The following TBC1D12 variants were observed in gnomAD, a reference collection of about 807,000 sequenced individuals.
TBC1D12 encodes the protein TBC1 domain family member 12, also known as TBC1 domain family, member 12.
TBC1D12 carries 56 observed loss-of-function variants against 86.7 expected under a neutral mutation model. The ratio of observed to expected loss-of-function variants is 0.65; its 90% confidence interval spans 0.52 to 0.81. The LOEUF (loss-of-function observed/expected upper bound fraction) is 0.81, where lower values mean the gene tolerates loss of function less well. TBC1D12 is among the 30% of genes least tolerant of loss of function. The pLI is 0.00. For synonymous variants in TBC1D12, 421 were observed against 411.7 expected (o/e 1.02, Z -0.27); for missense variants, 1,023 against 1,038.8 (o/e 0.98, Z 0.21).
At chr10:94,457,521 C>T (rs2055645940) in intron 2 of TBC1D12, among the ~76,000 whole-genome samples, 1 of 152,138 alleles carries the variant, frequency 6.6e-6, no homozygotes, top group East Asian at 1.9e-4. Context: ...CTCAAATGGT[C>T]CTCCTGCTAT....
At chr10:94,508,373 A>G (rs1369238680) in intron 7 of TBC1D12, 1 of 151,896 alleles carries the variant, frequency 6.6e-6, no homozygotes, top group Non-Finnish European at 1.5e-5. Flanking sequence ...GCCTCAAGCA[A>G]TCCTGCCTTG....
At chr10:94,424,046 G>T (rs2055115245) in intron 1 of TBC1D12, among the ~76,000 whole-genome samples, 1 of 151,676 alleles carries the variant, frequency 6.6e-6, no homozygotes, top group South Asian at 2.1e-4. Flanking sequence ...ATTGCATTAG[G>T]TATTATAATT....
At position 94,535,437 on chromosome 10, in the gene TBC1D12, C is replaced by T. The variant is rs1478862711; in HGVS notation, c.*2341C>T. On this transcript the variant is annotated 3_prime_UTR_variant, in exon 13 of 13. Coordinates refer to ENST00000225235, the MANE Select transcript of TBC1D12 (RefSeq NM_015188.2). ...TTTTCAAACTAACAAGCCTGCGATC[C>T]TTGTTAGTGTAGTGACTGCCTCTTT... 2 of 152,096 alleles carry T rather than the reference C, an allele frequency of 1.3e-5. No individual in the cohort carries two copies. Among genetic ancestry groups the T allele is most frequent in the African/African-American group, 4.8e-5 (2 of 41,414 alleles). The allele number at this position is 152,096 out of a possible 1,614,324, so 9.4% of individuals were successfully genotyped here. A position where few individuals can be genotyped will look rare whatever the true frequency, so the allele number is the denominator to read the frequency against.
rs542496487 is a variant in TBC1D12, at chr10:94,424,023, A to G, written c.972-17873A>G. On this transcript the variant is annotated intron_variant, in intron 1 of 12. Coordinates refer to ENST00000225235, the MANE Select transcript of TBC1D12 (RefSeq NM_015188.2). ...TATTCCCTAAAAAATATAACTATTT[A>G]CATAGCATTTACATTGCATTAGGTA... is the stretch of plus-strand genomic sequence containing the variant. Among the ~76,000 whole-genome samples the G allele has an allele frequency of 2.0e-5, 3 of 152,320 alleles. No homozygotes were observed. In the South Asian group the frequency reaches 6.2e-4, roughly 32 times the overall value.
chr10:94,411,888 G>T (rs2054933131), intron 1 of TBC1D12, among the ~76,000 whole-genome samples: 1 of 152,190 alleles, frequency 6.6e-6, no homozygotes, highest in Admixed American at 6.5e-5. Flanking sequence ...AGCCAGCGAG[G>T]TCGGGGCTGC....
chr10:94,517,113 C>G (rs959533275), intron 9 of TBC1D12, among the ~76,000 whole-genome samples: 1 of 152,096 alleles, frequency 6.6e-6, no homozygotes, highest in African/African-American at 2.4e-5. Context: ...TGCGGTGGCT[C>G]ATGCCTATAA....
rs534464505 is a variant in TBC1D12, at chr10:94,433,195, G to A, written c.972-8701G>A. Among the ~76,000 whole-genome samples, 341 of 152,112 alleles carry A rather than the reference G, an allele frequency of 2.2e-3. 1 individual carries two copies. Among genetic ancestry groups the A allele is most frequent in the South Asian group, 3.9e-3 (19 of 4,818 alleles). ...AGCCTGGGCAAGAGAGCAAGACTTCGTCTCGGAAACCCTCCTGGGTTCAAG... is the reference window on the plus strand; with the variant it reads ...AGCCTGGGCAAGAGAGCAAGACTTCATCTCGGAAACCCTCCTGGGTTCAAG... On this transcript the variant is annotated intron_variant, in intron 1 of 12. Transcript: ENST00000225235.
chr10:94,420,349 A>G (rs996340903), intron 1 of TBC1D12, among the ~76,000 whole-genome samples: 11 of 152,218 alleles, frequency 7.2e-5, no homozygotes, highest in Non-Finnish European at 1.0e-4. Flanking sequence ...CTGTTGTTCA[A>G]GCTACCAAGT....
intron 9 of TBC1D12, among the ~76,000 whole-genome samples, chr10:94,513,892 A>T (rs2056555348): frequency 6.6e-6 from 1 of 152,116 alleles, no homozygotes; most frequent in Admixed American, 6.6e-5. Flanking sequence ...AACGTTGTAT[A>T]ATTAAAACAA....
intron 1 of TBC1D12, among the ~76,000 whole-genome samples, chr10:94,421,878 T>C (rs1174266924): frequency 6.6e-6 from 1 of 152,208 alleles, no homozygotes; most frequent in Non-Finnish European, 1.5e-5. Flanking sequence ...TTGGGCTGTG[T>C]GTGTTTTTGT....
At chr10:94,424,408 G>T (rs2055120506) in intron 1 of TBC1D12, among the ~76,000 whole-genome samples, 1 of 152,150 alleles carries the variant, frequency 6.6e-6, no homozygotes, top group Non-Finnish European at 1.5e-5. Context: ...TTTTCTAGTT[G>T]TAATGGCTTA....
intron 9 of TBC1D12, among the ~76,000 whole-genome samples, chr10:94,520,324 G>A (rs1842114725): frequency 1.3e-5 from 2 of 151,998 alleles, no homozygotes; most frequent in Admixed American, 1.3e-4. Flanking sequence ...AGGCCGAGGT[G>A]GGTGGATCAC....
At chr10:94,408,058 CTCTT>C (rs1165187606) in intron 1 of TBC1D12, among the ~76,000 whole-genome samples, 8 of 152,120 alleles carry the variant, frequency 5.3e-5, no homozygotes, top group Non-Finnish European at 7.4e-5. Flanking sequence ...CATAGATAGA[CTCTT>C]TCATAGTTTT....
intron 1 of TBC1D12, among the ~76,000 whole-genome samples, chr10:94,424,708 T>G (rs942413835): frequency 7.2e-5 from 11 of 152,200 alleles, no homozygotes; most frequent in African/African-American, 2.7e-4. Context: ...GTACCTGGCA[T>G]GTCTGAAGGC....
rs924458349 is a variant in TBC1D12 at position 94,535,936 on chromosome 10, T to G, written c.*2840T>G. Reference sequence around the variant, plus strand: ...AAAACTGGTAAGCAGAGTAATTACTTGAAATGAGTCTTCATTACTTTGGGG... The same window carrying G: ...AAAACTGGTAAGCAGAGTAATTACTGGAAATGAGTCTTCATTACTTTGGGG... On this transcript the variant is annotated 3_prime_UTR_variant, in exon 13 of 13. Transcript: ENST00000225235. The G allele has an allele frequency of 6.6e-6, 1 of 152,154 alleles. No homozygotes were observed. Among genetic ancestry groups the G allele is most frequent in the African/African-American group, 2.4e-5 (1 of 41,452 alleles). The allele number at this position is 152,154 out of a possible 1,614,324, so 9.4% of individuals were successfully genotyped here. A position where few individuals can be genotyped will look rare whatever the true frequency, so the allele number is the denominator to read the frequency against.
intron 11 of TBC1D12, among the ~76,000 whole-genome samples, chr10:94,529,357 G>A (rs1254857467): frequency 6.6e-6 from 1 of 152,106 alleles, no homozygotes; most frequent in Non-Finnish European, 1.5e-5. Flanking sequence ...AGTGGCTCAT[G>A]CCTGTAATCC....
At chr10:94,454,486 C>A (rs1003429739) in intron 2 of TBC1D12, among the ~76,000 whole-genome samples, 6 of 152,240 alleles carry the variant, frequency 3.9e-5, no homozygotes, top group Non-Finnish European at 7.3e-5. Context: ...GCTGAGATTA[C>A]AGGCGTGAGC....
rs139952473 is a variant in TBC1D12 at position 94,513,440 on chromosome 10, A to C, written c.1761+1786A>C. Among the ~76,000 whole-genome samples the C allele has an allele frequency of 3.9e-5, 6 of 152,302 alleles. No individual in the cohort carries two copies. In the East Asian group the frequency reaches 1.2e-3, roughly 29 times the overall value. ...TGTCTCAAAAAAAAGTCTGTAGTGGAGTTTAAATACTGTAATAAATTTACA... is the reference window on the plus strand; with the variant it reads ...TGTCTCAAAAAAAAGTCTGTAGTGGCGTTTAAATACTGTAATAAATTTACA... On this transcript the variant is annotated intron_variant, in intron 9 of 12. Transcript: ENST00000225235.
chr10:94,511,634 T>C lies in TBC1D12; in HGVS notation c.1741T>C (p.Tyr581His). ...TAGTATTTTAGGGGCATACACATGC[T>C]ACAGGCCTGATGTTGGTTATGTAAG... ...LHSILGAYTC[Y>H]RPDVGYVQGM... Residue 581 changes from tyrosine (Y) to histidine (H), a missense_variant, in exon 9 of 13, where the codon TAC becomes CAC. Tyr to His is a moderately conservative substitution (Grantham distance 83). Transcript: ENST00000225235. 2 of 1,612,822 alleles carry C rather than the reference T, an allele frequency of 1.2e-6. No individual in the cohort carries two copies. Among genetic ancestry groups the C allele is most frequent in the South Asian group, 1.1e-5 (1 of 91,014 alleles).
Sources: allele counts gnomAD v4.1 joint callset (sites outside exome capture counted in the v4.1 genomes callset), GRCh38; gene constraint gnomAD v4.1.1; transcripts MANE v1.5; gene names NCBI Gene and HGNC (gene_info 2026-07-23, HGNC 2026-07-21).